Variants in ST6GAL1 observed in about 807,000 individuals in gnomAD.
The protein encoded by ST6GAL1 is beta-galactoside alpha-2,6-sialyltransferase 1.
In ST6GAL1, 20 loss-of-function variants were observed where a neutral mutation model predicts 38.0. That is an observed-to-expected ratio of 0.53 (90% CI 0.37 to 0.77). The LOEUF (loss-of-function observed/expected upper bound fraction) is 0.77. ST6GAL1 is among the 30% of genes least tolerant of loss of function. ST6GAL1 has a pLI of 0.00. For missense variants in ST6GAL1, 432 were observed against 496.4 expected (o/e 0.87, Z 1.23); for synonymous variants, 196 against 188.2 (o/e 1.04, Z -0.34).
rs543666292 is a variant in ST6GAL1, at chr3:186,988,248, A to G, written c.-183+24322A>G. Among the ~76,000 whole-genome samples, 6 of 152,244 alleles carry G rather than the reference A, an allele frequency of 3.9e-5. No individual in the cohort carries two copies. In the South Asian group the frequency reaches 1.2e-3, roughly 32 times the overall value. On this transcript the variant is annotated intron_variant, in intron 2 of 7. Coordinates refer to ENST00000169298, the MANE Select transcript of ST6GAL1 (RefSeq NM_173216.2). Reference sequence around the variant, plus strand: ...GTAAATGTGGACTGGATGATGGTTCAGTTGGTTTACACGTAGGGCTTCTGG... The same window carrying G: ...GTAAATGTGGACTGGATGATGGTTCGGTTGGTTTACACGTAGGGCTTCTGG...
At chr3:186,957,363 A>G (rs748751615) in intron 1 of ST6GAL1, among the ~76,000 whole-genome samples, 13 of 152,188 alleles carry the variant, frequency 8.5e-5, no homozygotes, top group Non-Finnish European at 1.3e-4. Context: ...GGATCACTTG[A>G]GCCAAGGAGG....
intron 2 of ST6GAL1, among the ~76,000 whole-genome samples, chr3:187,003,332 C>T (rs767598547): frequency 3.3e-5 from 5 of 152,230 alleles, no homozygotes; most frequent in Non-Finnish European, 7.3e-5. Context: ...GGGCAATCTG[C>T]TGTACTCAGC....
chr3:186,992,504 TA>T (rs1374369342), intron 2 of ST6GAL1, among the ~76,000 whole-genome samples: 2 of 151,818 alleles, frequency 1.3e-5, no homozygotes, highest in African/African-American at 4.8e-5. Flanking sequence ...AATAAATAAA[TA>T]AAACATGGCC....
intron 4 of ST6GAL1, among the ~76,000 whole-genome samples, chr3:187,045,400 T>C (rs1718262038): frequency 6.6e-6 from 1 of 152,184 alleles, no homozygotes; most frequent in Non-Finnish European, 1.5e-5. Context: ...CATTTTCAAT[T>C]ATTTTTGATA....
chr3:187,053,492 G>A lies in ST6GAL1; in HGVS notation c.705+2146G>A, dbSNP rs1327098389. On this transcript the variant is annotated intron_variant, in intron 5 of 7. Transcript: ENST00000169298. Reference sequence around the variant, plus strand: ...ATTTTTGTGTAAGGTGTAAGGAAGGGATCCAGTTTCAGCTTTCTACATATG... The same window carrying A: ...ATTTTTGTGTAAGGTGTAAGGAAGGAATCCAGTTTCAGCTTTCTACATATG... 2.0e-5 allele frequency among the ~76,000 whole-genome samples: 3 copies of A among 152,152 alleles called. 1 individual carries two copies. Among genetic ancestry groups the A allele is most frequent in the African/African-American group, 7.2e-5 (3 of 41,416 alleles).
intron 1 of ST6GAL1, among the ~76,000 whole-genome samples, chr3:186,958,082 T>C (rs1032137261): frequency 6.6e-6 from 1 of 151,412 alleles, no homozygotes; most frequent in East Asian, 1.9e-4. Flanking sequence ...TACATAATGG[T>C]ATATTTAGTG....
intron 2 of ST6GAL1, among the ~76,000 whole-genome samples, chr3:187,038,064 T>C: frequency 6.6e-6 from 1 of 152,024 alleles, no homozygotes; most frequent in East Asian, 1.9e-4. Context: ...CTGTATGAAG[T>C]TTATTTCAGG....
chr3:187,001,968 A>G (rs1224826561), intron 2 of ST6GAL1, among the ~76,000 whole-genome samples: 1 of 151,298 alleles, frequency 6.6e-6, no homozygotes, highest in African/African-American at 2.4e-5. Context: ...AAAAAAAAAA[A>G]AAACCCAAAA....
chr3:187,076,520 C>A lies in ST6GAL1; in HGVS notation c.*717C>A, dbSNP rs1436536722. On this transcript the variant is annotated 3_prime_UTR_variant, in exon 8 of 8. Transcript: ENST00000169298. ...TGAGAGAGGCAGACATCTGAACAGG[C>A]AGGTAGGATTCAGTGTGCTCAGTGC... The A allele has an allele frequency of 7.4e-6, 2 of 270,440 alleles. No homozygotes were observed. The highest frequency in any genetic ancestry group is 1.4e-5 in the Non-Finnish European group (2 of 146,090). The allele number at this position is 270,440 out of a possible 1,614,324, so 16.8% of individuals were successfully genotyped here.
chr3:186,953,473 C>A (rs1714646871), intron 1 of ST6GAL1, among the ~76,000 whole-genome samples: 1 of 152,148 alleles, frequency 6.6e-6, no homozygotes, highest in South Asian at 2.1e-4. Flanking sequence ...GTCAAACAGG[C>A]CATTTGACAG....
intron 1 of ST6GAL1, among the ~76,000 whole-genome samples, chr3:186,940,674 G>T (rs1356114162): frequency 6.6e-6 from 1 of 152,076 alleles, no homozygotes; most frequent in Non-Finnish European, 1.5e-5. Context: ...TTCTTCCAGT[G>T]TGGGCCCAGG....
intron 5 of ST6GAL1, among the ~76,000 whole-genome samples, chr3:187,059,928 A>G (rs1365711744): frequency 3.3e-5 from 5 of 152,220 alleles, no homozygotes; most frequent in Non-Finnish European, 7.3e-5. Flanking sequence ...GAGCTATTCA[A>G]GGAGGTCAGA....
At chr3:187,074,000 A>C in intron 6 of ST6GAL1, 159 bp from the exon 7 acceptor site, 1 of 594,934 alleles carries the variant, frequency 1.7e-6, no homozygotes, top group South Asian at 3.4e-5. Flanking sequence ...CTGCGGCTGG[A>C]AGAGAAACCT....
intron 2 of ST6GAL1, among the ~76,000 whole-genome samples, chr3:187,019,768 A>G (rs977618152): frequency 8.5e-5 from 13 of 152,248 alleles, no homozygotes; most frequent in South Asian, 2.1e-4. Flanking sequence ...CAGGGTGTCA[A>G]GCACTCTAAG....
intron 2 of ST6GAL1, among the ~76,000 whole-genome samples, chr3:186,988,166 G>A (rs866991167): frequency 9.8e-5 from 15 of 152,314 alleles, no homozygotes; most frequent in African/African-American, 3.1e-4. Context: ...TCTTCGATTA[G>A]ACAGTGAACA....
chr3:187,075,902 C>G lies in ST6GAL1; in HGVS notation c.*99C>G, dbSNP rs1378092333. 6.5e-7 allele frequency: 1 copy of G among 1,531,392 alleles called. No homozygotes were observed. Among genetic ancestry groups the G allele is most frequent in the African/African-American group, 1.4e-5 (1 of 72,886 alleles). 94.9% of individuals were successfully genotyped at this position (1,531,392 alleles called of 1,614,324 possible). On this transcript the variant is annotated 3_prime_UTR_variant, in exon 8 of 8. Coordinates refer to ENST00000169298, the MANE Select transcript of ST6GAL1 (RefSeq NM_173216.2). The surrounding 1 kb of genome is among the most constrained non-coding windows in gnomAD (Gnocchi z 4.1). The stretch of plus-strand genomic sequence containing the variant: ...TTTTCCTGAACAATTCCAGCCTGCT[C>G]CTTTTACTCTAGGGGCCTCTGTCAG...
chr3:186,936,813 GT>G (rs1713970060), intron 1 of ST6GAL1, among the ~76,000 whole-genome samples: 1 of 151,756 alleles, frequency 6.6e-6, no homozygotes, highest in Non-Finnish European at 1.5e-5. Flanking sequence ...TGGTGGGCAG[GT>G]GCCTGTAATC....
chr3:187,006,900 C>T (rs1263855910), intron 2 of ST6GAL1, among the ~76,000 whole-genome samples: 1 of 152,108 alleles, frequency 6.6e-6, no homozygotes, highest in Non-Finnish European at 1.5e-5. Flanking sequence ...AGTTTTCTAG[C>T]TGGGAGAAAA....
At chr3:187,005,574 A>T (rs1439444494) in intron 2 of ST6GAL1, among the ~76,000 whole-genome samples, 4 of 152,064 alleles carry the variant, frequency 2.6e-5, no homozygotes, top group African/African-American at 9.7e-5. Context: ...GGCGCCCGGC[A>T]TCTGTCATCC....
Sources: allele counts gnomAD v4.1 joint callset (sites outside exome capture counted in the v4.1 genomes callset), GRCh38; gene constraint gnomAD v4.1.1; non-coding constraint Gnocchi (gnomAD v3.1); transcripts MANE v1.5; gene names NCBI Gene and HGNC (gene_info 2026-07-23, HGNC 2026-07-21).